GPD2: variants seen among roughly 807,000 people sequenced by gnomAD.
GPD2 encodes the protein glycerol-3-phosphate dehydrogenase, mitochondrial.
GPD2 carries 54 observed loss-of-function variants against 82.4 expected under a neutral mutation model. That is an observed-to-expected ratio of 0.66 (90% CI 0.53 to 0.82). The LOEUF is 0.82. Ranked by LOEUF, GPD2 falls within the 40% of genes least tolerant of loss-of-function variation. GPD2 has a pLI of 0.00. For synonymous variants in GPD2, 288 were observed against 306.1 expected, an observed-to-expected ratio of 0.94 and a Z score of 0.62; for missense variants, 748 against 896.2, an observed-to-expected ratio of 0.83 and a Z score of 2.11.
At position 156,549,752 on chromosome 2, in the gene GPD2, G is replaced by A. The variant is rs191673865; in HGVS notation, c.806G>A (p.Arg269Gln). 2.8e-5 allele frequency: 45 copies of A among 1,613,732 alleles called. No individual in the cohort carries two copies. The highest frequency in any genetic ancestry group is 1.7e-4 in the Middle Eastern group (1 of 6,058). The change falls in exon 7 of 17, where the codon CGG (arginine) becomes CAG (glutamine). Residue 269 changes from arginine to glutamine, a missense_variant. By Grantham distance (43) the Arg-to-Gln change is conservative. Around this residue, in one of 3 missense-constraint regions of GPD2, gnomAD observed 692 missense variants for 809.7 expected, o/e 0.85. Coordinates refer to ENST00000438166, the MANE Select transcript of GPD2 (RefSeq NM_000408.5). ...GGGAAAGTGCGTGTGAGCGGCGCAC[G>A]GTGCAAGGATGTCCTCACAGGTATG... The part of the protein sequence containing the change: ...QTGKVRVSGA[R>Q]CKDVLTGQEF...
At chr2:156,582,504 C>T (rs926705030) in intron 16 of GPD2, among the ~76,000 whole-genome samples, 1 of 140,288 alleles carries the variant, frequency 7.1e-6, no homozygotes, top group African/African-American at 2.6e-5. Flanking sequence ...AAAAAAAGTG[C>T]CTTGAGCACA....
intron 1 of GPD2, among the ~76,000 whole-genome samples, chr2:156,446,746 TAGAGACAAGG>T (rs1271301480): frequency 6.6e-6 from 1 of 152,106 alleles, no homozygotes; most frequent in African/African-American, 2.4e-5. Flanking sequence ...ATATTTTTAG[TAGAGACAAGG>T]TTTCACCATG....
intron 1 of GPD2, among the ~76,000 whole-genome samples, chr2:156,471,013 G>A (rs1683310127): frequency 6.6e-6 from 1 of 152,202 alleles, no homozygotes; most frequent in African/African-American, 2.4e-5. Context: ...GTTCCGTCAA[G>A]ATCTCAAATT....
chr2:156,483,986 G>GTTTTTTT (rs1683832398), intron 2 of GPD2, among the ~76,000 whole-genome samples: 1 of 61,680 alleles, frequency 1.6e-5, no homozygotes. Flanking sequence ...TTGCTTGCTT[G>GTTTTTTT]CTTTTTTTTT....
At chr2:156,495,921 C>T in intron 2 of GPD2, 123 bp from the exon 3 acceptor site, 1 of 722,118 alleles carries the variant, frequency 1.4e-6, no homozygotes, top group Non-Finnish European at 2.5e-6. Context: ...TCTATGTGGA[C>T]TGTGGACTCT....
chr2:156,482,359 C>G (rs1683763123), intron 2 of GPD2, among the ~76,000 whole-genome samples: 1 of 152,058 alleles, frequency 6.6e-6, no homozygotes, highest in Non-Finnish European at 1.5e-5. Context: ...TAATAAGTTC[C>G]TTGAATTTCC....
intron 16 of GPD2, 65 bp from the exon 17 acceptor site, chr2:156,582,728 T>C: frequency 1.3e-6 from 2 of 1,570,528 alleles, no homozygotes; most frequent in South Asian, 1.1e-5. Flanking sequence ...CTAACGATTA[T>C]GATGCCATGA....
chr2:156,544,596 G>T (rs1686457061), intron 6 of GPD2, among the ~76,000 whole-genome samples: 1 of 152,112 alleles, frequency 6.6e-6, no homozygotes, highest in Non-Finnish European at 1.5e-5. Flanking sequence ...CAGCTTTACT[G>T]ATGCCCAGTC....
intron 3 of GPD2, 66 bp downstream of exon 3, chr2:156,496,281 G>A: frequency 9.2e-7 from 1 of 1,092,456 alleles, no homozygotes; most frequent in East Asian, 2.6e-5. Context: ...GTGCAGGTTT[G>A]TTACATAGGT....
chr2:156,416,424 T>C, the GPD2 span, among the ~76,000 whole-genome samples: 1 of 151,904 alleles, frequency 6.6e-6, no homozygotes, highest in Non-Finnish European at 1.5e-5. Context: ...CACAGATCAT[T>C]GTAACCTTGA....
At chr2:156,405,074 C>T in the GPD2 span, among the ~76,000 whole-genome samples, 2 of 152,168 alleles carry the variant, frequency 1.3e-5, no homozygotes, top group African/African-American at 4.8e-5. Flanking sequence ...ATAGAGAAAT[C>T]CATTCAAGAG....
chr2:156,439,513 GAAAAAAAAAAAAAA>G (rs1187242848), intron 1 of GPD2, among the ~76,000 whole-genome samples: 1 of 31,622 alleles, frequency 3.2e-5, no homozygotes, highest in African/African-American at 1.4e-4. Flanking sequence ...GACTGTCTCA[GAAAAAAAAAAAAAA>G]AAAAAAAAAA....
At chr2:156,481,871 G>C (rs188294090) in intron 2 of GPD2, among the ~76,000 whole-genome samples, 256 of 152,172 alleles carry the variant, frequency 1.7e-3, no homozygotes, top group African/African-American at 6.0e-3. Context: ...GGACATTTAG[G>C]TTGATTCCAT....
the GPD2 span, among the ~76,000 whole-genome samples, chr2:156,401,117 A>G: frequency 6.6e-6 from 1 of 152,260 alleles, no homozygotes; most frequent in African/African-American, 2.4e-5. Flanking sequence ...TGTGTATGAT[A>G]CCCACAGAAA....
At chr2:156,432,021 G>C (rs1688321671), upstream of GPD2, among the ~76,000 whole-genome samples, 1 of 151,626 alleles carries the variant, frequency 6.6e-6, no homozygotes, top group South Asian at 2.1e-4. Context: ...CGAGTAGCTG[G>C]GACTACAGGC....
intron 1 of GPD2, among the ~76,000 whole-genome samples, chr2:156,466,068 C>T (rs1280341848): frequency 6.6e-6 from 1 of 152,168 alleles, no homozygotes; most frequent in Admixed American, 6.5e-5. Flanking sequence ...TGAAGGAATG[C>T]TTCAAGTTTT....
At chr2:156,453,990 T>G (rs1558906420) in intron 1 of GPD2, among the ~76,000 whole-genome samples, 1 of 152,114 alleles carries the variant, frequency 6.6e-6, no homozygotes, top group South Asian at 2.1e-4. Context: ...AGTAGTTGGG[T>G]AGATGACAGC....
intron 1 of GPD2, among the ~76,000 whole-genome samples, chr2:156,447,860 T>C (rs1573876103): frequency 6.6e-6 from 1 of 152,314 alleles, no homozygotes; most frequent in South Asian, 2.1e-4. Context: ...TCTCTGTTGA[T>C]GCTTTTTCAA....
chr2:156,538,614 A>G (rs1405659907), intron 6 of GPD2, among the ~76,000 whole-genome samples: 1 of 151,894 alleles, frequency 6.6e-6, no homozygotes, highest in Non-Finnish European at 1.5e-5. Context: ...AGGTCAGGAG[A>G]TTGAGACCAT....
Sources: gnomAD v4.1 joint callset for allele counts (sites outside exome capture counted in the v4.1 genomes callset) on GRCh38, gnomAD v4.1.1 for gene constraint, gnomAD v4.1.1 regional missense constraint, MANE v1.5 for transcripts, NCBI Gene and HGNC (gene_info 2026-07-23, HGNC 2026-07-21) for gene names.